Variants in PKHD1L1 observed in about 807,000 individuals in gnomAD.
PKHD1L1 encodes the protein PKHD1 like 1, also known as fibrocystin-L.
A neutral mutation model predicts 462.9 loss-of-function variants in PKHD1L1; 434 were observed. The observed-to-expected ratio is 0.94, with a 90% CI of 0.87 to 1.02. The LOEUF is 1.02. Among genes scored for constraint, PKHD1L1 ranks in the 50% least tolerant of loss-of-function variants. PKHD1L1 has a pLI of 0.00. For synonymous variants in PKHD1L1, 1,781 were observed against 1,750.0 expected, an observed-to-expected ratio of 1.02 and a Z score of -0.44; for missense variants, 5,202 against 5,096.1, an observed-to-expected ratio of 1.02 and a Z score of -0.63.
chr8:109,374,308 A>G (rs1811686993), intron 2 of PKHD1L1, among the ~76,000 whole-genome samples: 1 of 152,076 alleles, frequency 6.6e-6, no homozygotes, highest in African/African-American at 2.4e-5. Context: ...GTTTTATCTG[A>G]GACTAGGATT....
intron 23 of PKHD1L1, among the ~76,000 whole-genome samples, chr8:109,424,227 G>T (rs1411357147): frequency 6.6e-6 from 1 of 152,026 alleles, no homozygotes; most frequent in Non-Finnish European, 1.5e-5. Context: ...GTACTCCTTT[G>T]AATCTAGCTT....
chr8:109,448,067 TA>T, intron 38 of PKHD1L1, 75 bp from the exon 39 acceptor site: 1 of 1,278,776 alleles, frequency 7.8e-7, no homozygotes, highest in East Asian at 2.5e-5. Context: ...TTTGTAAAAG[TA>T]AAGAGGTATA....
At chr8:109,368,332 T>A (rs1199534422) in intron 2 of PKHD1L1, among the ~76,000 whole-genome samples, 1 of 152,206 alleles carries the variant, frequency 6.6e-6, no homozygotes, top group Admixed American at 6.5e-5. Flanking sequence ...TCTGACTGGC[T>A]TTCAATTCAC....
rs375057662 is a variant in PKHD1L1 at position 109,393,903 on chromosome 8, G to T, written c.741-512G>T. On this transcript the variant is annotated intron_variant, in intron 9 of 77. Transcript: ENST00000378402. ...CTTAAAATCAACTGTAGGGCCGGGC[G>T]CGGTGGCTCACGCCTGTAATCCCAG... is the stretch of plus-strand genomic sequence containing the variant. Among the ~76,000 whole-genome samples the T allele has an allele frequency of 5.7e-4, 87 of 152,110 alleles. No homozygotes were observed. The East Asian group carries it at 0.015, about 25-fold the overall frequency.
In PKHD1L1 at chr8:109,402,276, C is replaced by A. The variant is rs186492686; in HGVS notation, c.1373+688C>A. 1.7e-3 allele frequency among the ~76,000 whole-genome samples: 261 copies of A among 152,286 alleles called. 1 individual carries two copies. The highest frequency in any genetic ancestry group is 0.017 in the Middle Eastern group (5 of 294). ...GCATCTGCTAGACTTTACTATATAA[C>A]AAAGCACCTCAGACTGTAGCAACAT... On this transcript the variant is annotated intron_variant, in intron 14 of 77. Coordinates refer to ENST00000378402, the MANE Select transcript of PKHD1L1 (RefSeq NM_177531.6).
Position 109,459,291 on chromosome 8 carries a change from A to G in PKHD1L1, c.7005-304A>G, listed in dbSNP as rs192713986. On this transcript the variant is annotated intron_variant, in intron 46 of 77. Coordinates refer to ENST00000378402, the MANE Select transcript of PKHD1L1 (RefSeq NM_177531.6). The stretch of plus-strand genomic sequence containing the variant: ...GGAATAAAATCATCCTCAATTGAGA[A>G]CCACTGAGTATGATCCTCCAAGTTA... 7.2e-3 allele frequency among the ~76,000 whole-genome samples: 1,098 copies of G among 152,250 alleles called. 11 individuals carry two copies. The highest frequency in any genetic ancestry group is 0.013 in the Non-Finnish European group (871 of 68,018).
Position 109,497,077 on chromosome 8 carries a change from A to T in PKHD1L1, c.10476+10A>T, listed in dbSNP as rs750746403. ...TGGAATTTATTTTCAGGTAATTATG[A>T]TTAAAGATGGTGATTGTTTATTTTC... On this transcript the variant is annotated intron_variant, in intron 64 of 77. Transcript: ENST00000378402. 3 of 1,613,012 alleles carry T rather than the reference A, an allele frequency of 1.9e-6. No homozygotes were observed. Among genetic ancestry groups the T allele is most frequent in the Non-Finnish European group, 2.5e-6 (3 of 1,179,330 alleles).
intron 68 of PKHD1L1, 22 bp downstream of exon 68, chr8:109,504,514 G>C: frequency 7.2e-7 from 1 of 1,390,640 alleles, no homozygotes; most frequent in Non-Finnish European, 9.6e-7. Flanking sequence ...AAAAATTGTG[G>C]TTTTTCTATC....
chr8:109,480,152 G>T lies in PKHD1L1; in HGVS notation c.9327+13G>T. 1 of 1,530,320 alleles carries T rather than the reference G, an allele frequency of 6.5e-7. No homozygotes were observed. The highest frequency in any genetic ancestry group is 8.7e-7 in the Non-Finnish European group (1 of 1,145,136). 94.8% of individuals were successfully genotyped at this position (1,530,320 alleles called of 1,614,324 possible). The stretch of plus-strand genomic sequence containing the variant: ...CATATCACTGCAGGTAAGAGTGAGG[G>T]CCTTGTAGTTTATATCTTTATTAAT... On this transcript the variant is annotated intron_variant, in intron 55 of 77. Coordinates refer to ENST00000378402, the MANE Select transcript of PKHD1L1 (RefSeq NM_177531.6).
chr8:109,480,178 C>T, intron 55 of PKHD1L1, 39 bp downstream of exon 55: 1 of 1,497,390 alleles, frequency 6.7e-7, no homozygotes, highest in East Asian at 2.5e-5. Flanking sequence ...CTTTATTAAT[C>T]TAATTCTAAA....
intron 50 of PKHD1L1, among the ~76,000 whole-genome samples, chr8:109,473,579 T>C (rs916042753): frequency 2.6e-5 from 4 of 152,006 alleles, no homozygotes; most frequent in African/African-American, 7.2e-5. Context: ...TTCCACTTAA[T>C]TGAGTTCTGC....
intron 42 of PKHD1L1, 150 bp downstream of exon 42, chr8:109,452,430 G>A (rs532638491): frequency 5.1e-5 from 41 of 806,396 alleles, no homozygotes; most frequent in Admixed American, 2.6e-4. Context: ...TACATTTTTT[G>A]TTGCTTTTCC....
At chr8:109,507,522 G>A (rs1819750323) in intron 68 of PKHD1L1, 141 bp from the exon 69 acceptor site, 1 of 671,980 alleles carries the variant, frequency 1.5e-6, no homozygotes, top group South Asian at 1.9e-5. Flanking sequence ...AATTACATAG[G>A]CTACTTGGTC....
chr8:109,391,469 A>C (rs1379370), intron 9 of PKHD1L1, among the ~76,000 whole-genome samples: 2 of 152,092 alleles, frequency 1.3e-5, no homozygotes, highest in African/African-American at 4.8e-5. Context: ...CAAATGTGTG[A>C]AGAATCCCCT....
At chr8:109,377,912 C>T (rs1256106980) in intron 2 of PKHD1L1, among the ~76,000 whole-genome samples, 2 of 152,072 alleles carry the variant, frequency 1.3e-5, no homozygotes, top group Non-Finnish European at 2.9e-5. Flanking sequence ...TTAATTACTT[C>T]CAAATGTAGT....
intron 12 of PKHD1L1, 149 bp from the exon 13 acceptor site, chr8:109,399,927 G>T (rs531026340): frequency 1.3e-6 from 1 of 794,226 alleles, no homozygotes; most frequent in South Asian, 2.0e-5. Flanking sequence ...CTGCAGATAC[G>T]TGTAGGGGAA....
chr8:109,435,286 G>A lies in PKHD1L1; in HGVS notation c.3437G>A (p.Gly1146Asp), dbSNP rs1219380490. The change falls in exon 29 of 78, where the codon GGT becomes GAT. Residue 1146 changes from glycine to aspartate, a missense_variant. Transcript: ENST00000378402. ...GTTGGACTAGCACAGAATGTAGGGG[G>A]TGAAGAGTTCTACTTTGTTTATCAG... ...ADVGLAQNVG[G>D]EEFYFVYQSQ... is the part of the protein sequence containing the mutation. The A allele has an allele frequency of 5.0e-6, 8 of 1,613,772 alleles. No individual in the cohort carries two copies. The African/African-American group carries it at 6.7e-5, about 13-fold the overall frequency.
rs144807091 is a variant in PKHD1L1 at position 109,412,101 on chromosome 8, G to A, written c.2086-164G>A. Reference sequence around the variant, plus strand: ...TAAAGGATTATATAATTATGGATCCGAATGAGAGCTTTAGATTTCAGACAA... The same window carrying A: ...TAAAGGATTATATAATTATGGATCCAAATGAGAGCTTTAGATTTCAGACAA... On this transcript the variant is annotated intron_variant, in intron 19 of 77. Transcript: ENST00000378402. 4.7e-3 allele frequency among the ~76,000 whole-genome samples: 723 copies of A among 152,254 alleles called. 7 individuals are homozygous for A. The highest frequency in any genetic ancestry group is 0.016 in the African/African-American group (670 of 41,542).
At chr8:109,390,548 G>T in intron 9 of PKHD1L1, 54 bp downstream of exon 9, 4 of 1,033,494 alleles carry the variant, frequency 3.9e-6, no homozygotes, top group Non-Finnish European at 5.5e-6. Context: ...GGGTAAATAA[G>T]ATAAAATGTA....
Sources: allele counts gnomAD v4.1 joint callset (sites outside exome capture counted in the v4.1 genomes callset), GRCh38; gene constraint gnomAD v4.1.1; transcripts MANE v1.5; gene names NCBI Gene and HGNC (gene_info 2026-07-23, HGNC 2026-07-21).